Variants in ANKRD28 observed in about 807,000 individuals in gnomAD.
ANKRD28 encodes the protein serine/threonine-protein phosphatase 6 regulatory ankyrin repeat subunit A.
Under a neutral mutation model 126.5 loss-of-function variants are expected in ANKRD28, and 44 were observed. The observed-to-expected ratio is 0.35, with a 90% CI of 0.27 to 0.45. ANKRD28 has a LOEUF of 0.45. Among genes scored for constraint, ANKRD28 ranks in the 20% least tolerant of loss-of-function variants. The pLI, the probability that ANKRD28 is intolerant of heterozygous loss-of-function variation, is 1.00. For missense variants in ANKRD28, 1,110 were observed against 1,316.6 expected (o/e 0.84, Z 2.43); for synonymous variants, 442 against 468.5 (o/e 0.94, Z 0.73).
At chr3:15,858,950 A>AGAGT (rs1158465762) in intron 1 of ANKRD28, among the ~76,000 whole-genome samples, 1 of 152,204 alleles carries the variant, frequency 6.6e-6, no homozygotes, top group Non-Finnish European at 1.5e-5. Context: ...ACCCGGAGAG[A>AGAGT]GAGTCCCTCG....
At chr3:15,847,443 C>G (rs2061552775) in intron 1 of ANKRD28, among the ~76,000 whole-genome samples, 2 of 152,236 alleles carry the variant, frequency 1.3e-5, no homozygotes, top group South Asian at 4.1e-4. Flanking sequence ...CTTGAGTGAC[C>G]TCATTCACTT....
Position 15,689,577 on chromosome 3 carries a change from A to G in ANKRD28, c.1963+442T>C, listed in dbSNP as rs146342574. 4.1e-3 allele frequency among the ~76,000 whole-genome samples: 629 copies of G among 152,348 alleles called. 8 individuals are homozygous for G. The highest frequency in any genetic ancestry group is 0.022 in the East Asian group (114 of 5,188). ...GAGCTTCTTTTCATGAGAGCAGGAC[A>G]GTTTTAATGACTTCTTAAACACTTG... is the stretch of plus-strand genomic sequence containing the variant. On this transcript the variant is annotated intron_variant, in intron 18 of 27. Coordinates refer to ENST00000683139, the MANE Select transcript of ANKRD28 (RefSeq NM_001349278.2).
At chr3:15,712,308 G>A (rs1575322523) in intron 10 of ANKRD28, 86 bp from the exon 11 acceptor site, 11 of 1,131,604 alleles carry the variant, frequency 9.7e-6, no homozygotes, top group Non-Finnish European at 1.4e-5. Flanking sequence ...GACCACTTAA[G>A]TGAAAGATAA....
chr3:15,813,830 T>C (rs1575756324), intron 1 of ANKRD28, among the ~76,000 whole-genome samples: 2 of 152,336 alleles, frequency 1.3e-5, no homozygotes, highest in East Asian at 3.9e-4. Flanking sequence ...AGCACAATCA[T>C]TTAACATGTA....
At chr3:15,751,843 A>C (rs888574780) in intron 3 of ANKRD28, 23 bp from the exon 4 acceptor site, 27 of 1,465,736 alleles carry the variant, frequency 1.8e-5, no homozygotes, top group Non-Finnish European at 2.4e-5. Flanking sequence ...GAAAAAAATA[A>C]ATTGAAATAT....
Position 15,857,968 on chromosome 3 carries a change from G to A in ANKRD28, c.27+1409C>T, listed in dbSNP as rs75389685. 2.8e-3 allele frequency among the ~76,000 whole-genome samples: 431 copies of A among 152,308 alleles called. 1 individual carries two copies. Among genetic ancestry groups the A allele is most frequent in the Admixed American group, 4.4e-3 (68 of 15,300 alleles). ...CAGATCTCGAGTTTCACACTGTTAA[G>A]AGTATAAGATGCACGGACTGTACTG... is the stretch of plus-strand genomic sequence containing the variant. On this transcript the variant is annotated intron_variant, in intron 1 of 27. Transcript: ENST00000399451.
At chr3:15,847,233 T>C (rs756010549) in intron 1 of ANKRD28, among the ~76,000 whole-genome samples, 24 of 152,282 alleles carry the variant, frequency 1.6e-4, no homozygotes, top group Non-Finnish European at 3.2e-4. Context: ...TAAAAGAATG[T>C]ACTAAATAAA....
chr3:15,815,864 T>C lies in ANKRD28; in HGVS notation c.28-20558A>G, dbSNP rs996178834. ...TAGGTTCTACAGCATGTAACAGATA[T>C]GGTAATAGAATTAGTCTGCCATATG... On this transcript the variant is annotated intron_variant, in intron 1 of 27. Coordinates refer to the ANKRD28 transcript ENST00000399451. This position sits in a 1 kb window ranked among gnomAD's most constrained non-coding sequence, Gnocchi z 4.1. 9.2e-5 allele frequency among the ~76,000 whole-genome samples: 14 copies of C among 152,188 alleles called. No homozygotes were observed. The highest frequency in any genetic ancestry group is 3.9e-4 in the Admixed American group (6 of 15,278).
chr3:15,716,422 G>T (rs2073056421), intron 8 of ANKRD28, among the ~76,000 whole-genome samples: 1 of 151,674 alleles, frequency 6.6e-6, no homozygotes, highest in South Asian at 2.1e-4. Context: ...CTCTGGAGTA[G>T]CTGGGACTAC....
In ANKRD28 at chr3:15,843,800, A is replaced by T. The variant is rs895185268; in HGVS notation, c.27+15577T>A. On this transcript the variant is annotated intron_variant, in intron 1 of 27. Coordinates refer to the ANKRD28 transcript ENST00000399451. This position sits in a 1 kb window ranked among gnomAD's most constrained non-coding sequence, Gnocchi z 5.2. The stretch of plus-strand genomic sequence containing the variant: ...AAAAAAAAAAGAGGCAGAAATCAAA[A>T]TGTAGAAATAAAACAATTTACAATA... 4.6e-5 allele frequency among the ~76,000 whole-genome samples: 7 copies of T among 152,106 alleles called. No individual in the cohort carries two copies. The highest frequency in any genetic ancestry group is 1.7e-4 in the African/African-American group (7 of 41,422).
At chr3:15,738,343 G>T (rs2075177200) in intron 4 of ANKRD28, among the ~76,000 whole-genome samples, 1 of 152,164 alleles carries the variant, frequency 6.6e-6, no homozygotes, top group South Asian at 2.1e-4. Flanking sequence ...TTCAAAAGGG[G>T]AGGGAGTGTA....
chr3:15,686,366 G>A, intron 18 of ANKRD28, 57 bp from the exon 19 acceptor site: 2 of 1,354,710 alleles, frequency 1.5e-6, no homozygotes, highest in Non-Finnish European at 2.1e-6. Flanking sequence ...AATAGAAAAT[G>A]TCCATCTAAA....
intron 6 of ANKRD28, among the ~76,000 whole-genome samples, chr3:15,734,055 T>C (rs1401123496): frequency 2.0e-5 from 3 of 152,258 alleles, no homozygotes; most frequent in African/African-American, 7.2e-5. Context: ...CACTTATATA[T>C]GGATTTTTTT....
In ANKRD28 at chr3:15,838,101, C is replaced by T. The variant is rs1460356145; in HGVS notation, c.27+21276G>A. On this transcript the variant is annotated intron_variant, in intron 1 of 27. Coordinates refer to the ANKRD28 transcript ENST00000399451. This position sits in a 1 kb window ranked among gnomAD's most constrained non-coding sequence, Gnocchi z 4.0. The stretch of plus-strand genomic sequence containing the variant: ...AGATACAGAAAATATGAATAGAACT[C>T]TATCAACTAAAGAAATTAGTAATTA... 2.6e-5 allele frequency among the ~76,000 whole-genome samples: 4 copies of T among 152,142 alleles called. No individual in the cohort carries two copies. Among genetic ancestry groups the T allele is most frequent in the African/African-American group, 9.7e-5 (4 of 41,448 alleles).
At chr3:15,672,136 T>TA (rs964106932) in intron 27 of ANKRD28, among the ~76,000 whole-genome samples, 5 of 148,880 alleles carry the variant, frequency 3.4e-5, no homozygotes, top group African/African-American at 7.7e-5. Context: ...TTGGCCTTGA[T>TA]AAAAAAAGGA....
At chr3:15,742,193 C>T (rs1205418108) in intron 4 of ANKRD28, among the ~76,000 whole-genome samples, 9 of 150,706 alleles carry the variant, frequency 6.0e-5, no homozygotes, top group African/African-American at 1.2e-4. Context: ...TCTGCCTGGC[C>T]GCCCATCGTC....
intron 1 of ANKRD28, among the ~76,000 whole-genome samples, chr3:15,849,785 T>C (rs1311824952): frequency 6.6e-6 from 1 of 152,220 alleles, no homozygotes; most frequent in Non-Finnish European, 1.5e-5. Flanking sequence ...TCATTCTTTG[T>C]CTAAAAAGTA....
At chr3:15,696,103 T>C (rs2470547) in intron 15 of ANKRD28, 31 bp downstream of exon 15, 743,966 of 1,357,990 alleles carry the variant, frequency 0.55, 210,834 homozygotes, top group Admixed American at 0.61. Context: ...AAACTCCCAT[T>C]AGGTCTTTCA....
At chr3:15,840,647 C>T (rs1286348366) in intron 1 of ANKRD28, among the ~76,000 whole-genome samples, 1 of 152,178 alleles carries the variant, frequency 6.6e-6, no homozygotes, top group Non-Finnish European at 1.5e-5. Context: ...AATTATGCAA[C>T]TGAACTATCC....
Sources: gnomAD v4.1 joint callset for allele counts (sites outside exome capture counted in the v4.1 genomes callset) on GRCh38, gnomAD v4.1.1 for gene constraint, Gnocchi (gnomAD v3.1) non-coding constraint, MANE v1.5 for transcripts, NCBI Gene and HGNC (gene_info 2026-07-23, HGNC 2026-07-21) for gene names.